The following RABGGTB variants were observed in gnomAD, a reference collection of about 807,000 sequenced individuals.
The protein encoded by RABGGTB is geranylgeranyl transferase type-2 subunit beta.
A neutral mutation model predicts 44.5 loss-of-function variants in RABGGTB; 20 were observed. The ratio of observed to expected loss-of-function variants is 0.45; its 90% CI spans 0.32 to 0.65. The LOEUF (loss-of-function observed/expected upper bound fraction) is 0.65, where lower values mean the gene tolerates loss of function less well. Ranked by LOEUF, RABGGTB falls within the 30% of genes least tolerant of loss-of-function variation. The probability of loss-of-function intolerance (pLI) is 0.05; values close to 1 mark genes in which losing one functional copy is unlikely to be tolerated. For synonymous variants in RABGGTB, 128 were observed against 136.7 expected (o/e 0.94, Z 0.44); for missense variants, 302 against 398.7 (o/e 0.76, Z 2.06).
intron 6 of RABGGTB, 63 bp from the exon 7 acceptor site, chr1:75,792,118 A>C (rs905211209): frequency 2.8e-6 from 4 of 1,403,598 alleles, no homozygotes; most frequent in South Asian, 2.5e-5. Context: ...TAATAATTTG[A>C]GTTTTATCAC....
rs982916097 is a variant in RABGGTB at position 75,794,850 on chromosome 1, A to G, written c.*200A>G. On this transcript the variant is annotated 3_prime_UTR_variant, in exon 9 of 9. Coordinates refer to ENST00000319942, the MANE Select transcript of RABGGTB (RefSeq NM_004582.4). ...CTGCTTTTTATTCTGAAGTCCTGTT[A>G]TTCTGACTACAGTTCTTTGTGTATA... is the stretch of plus-strand genomic sequence containing the variant. The G allele has an allele frequency of 1.1e-5, 3 of 263,770 alleles. No homozygotes were observed. Among genetic ancestry groups the G allele is most frequent in the African/African-American group, 6.8e-5 (3 of 44,400 alleles). The allele number at this position is 263,770 out of a possible 1,614,324, so 16.3% of individuals were successfully genotyped here. A position where few individuals can be genotyped will look rare whatever the true frequency, so the allele number is the denominator to read the frequency against.
rs1447825184 is a variant in RABGGTB at position 75,789,482 on chromosome 1, A to G, written c.309+126A>G. Reference sequence around the variant, plus strand: ...CAAGTGAAGCTGTCCTACAAGGTCAATGATGTAATGGCATGTATTAGCTGA... The same window carrying G: ...CAAGTGAAGCTGTCCTACAAGGTCAGTGATGTAATGGCATGTATTAGCTGA... On this transcript the variant is annotated intron_variant, in intron 3 of 8. Coordinates refer to ENST00000319942, the MANE Select transcript of RABGGTB (RefSeq NM_004582.4). 21 of 939,500 alleles carry G rather than the reference A, an allele frequency of 2.2e-5. 1 individual carries two copies. Among genetic ancestry groups the G allele is most frequent in the East Asian group, 2.1e-4 (9 of 41,862 alleles). 58.2% of individuals were successfully genotyped at this position (939,500 alleles called of 1,614,324 possible).
chr1:75,787,693 C>T (rs1020432695), intron 2 of RABGGTB, 89 bp downstream of exon 2: 2 of 1,005,258 alleles, frequency 2.0e-6, no homozygotes, highest in Non-Finnish European at 3.1e-6. Flanking sequence ...CTTAAAATGG[C>T]ATCCAACTCC....
rs1184634905 is a variant in RABGGTB, at chr1:75,794,154, A to C, written c.776A>C (p.Asp259Ala). 5 of 1,613,960 alleles carry C rather than the reference A, an allele frequency of 3.1e-6. 1 individual carries two copies. Residue 259 changes from aspartate to alanine, a missense_variant, in exon 8 of 9, where the codon GAT (aspartate) becomes GCT (alanine). Coordinates refer to ENST00000319942, the MANE Select transcript of RABGGTB (RefSeq NM_004582.4). Reference protein sequence around the residue: ...LKIIGRLHWIDREKLRNFILA... With the variant: ...LKIIGRLHWIAREKLRNFILA... ...ATAATTGGAAGACTTCATTGGATTG[A>C]TAGAGAGAAACTGCGTAATTTCATT...
intron 1 of RABGGTB, 137 bp from the exon 2 acceptor site, chr1:75,787,357 AGTT>A: frequency 1.5e-6 from 1 of 661,754 alleles, no homozygotes; most frequent in Non-Finnish European, 2.6e-6. Flanking sequence ...CTCCCTAGTT[AGTT>A]ACAATTTTTA....
chr1:75,790,546 C>T (rs534736967), intron 4 of RABGGTB: 12 of 921,340 alleles, frequency 1.3e-5, no homozygotes, highest in African/African-American at 1.8e-5. Flanking sequence ...TAGAAATGGA[C>T]TAATACTTTG....
At chr1:75,794,461 T>C in intron 8 of RABGGTB, 49 bp from the exon 9 acceptor site, 1 of 1,548,304 alleles carries the variant, frequency 6.5e-7, no homozygotes, top group Non-Finnish European at 8.8e-7. Context: ...AATTTGAAGT[T>C]AAAGAAGTTT....
At chr1:75,789,138 A>G (rs1257891965) in intron 2 of RABGGTB, 21 bp from the exon 3 acceptor site, 1 of 1,604,076 alleles carries the variant, frequency 6.2e-7, no homozygotes, top group South Asian at 1.1e-5. Flanking sequence ...GACAGATTTA[A>G]GAAATTGTGT....
At chr1:75,790,169 G>T in intron 4 of RABGGTB, 112 bp downstream of exon 4, 1 of 1,520,978 alleles carries the variant, frequency 6.6e-7, no homozygotes, top group Non-Finnish European at 8.7e-7. Flanking sequence ...TAAGCAGCTG[G>T]TCTAACTGGA....
At chr1:75,789,493 G>T (rs771461031) in intron 3 of RABGGTB, 137 bp downstream of exon 3, 7 of 889,312 alleles carry the variant, frequency 7.9e-6, no homozygotes, top group East Asian at 7.2e-5. Context: ...TGATGTAATG[G>T]CATGTATTAG....
At chr1:75,788,006 G>C in intron 2 of RABGGTB, 1 of 482,772 alleles carries the variant, frequency 2.1e-6, no homozygotes, top group South Asian at 1.5e-5. Context: ...TAAATTTCGA[G>C]GAAAACTCTG....
chr1:75,791,354 T>TGATTGAAA lies in RABGGTB; in HGVS notation c.468+18_468+25dup, dbSNP rs1384607231. 1 of 1,603,776 alleles carries TGATTGAAA rather than the reference T, an allele frequency of 6.2e-7. No homozygotes were observed. The highest frequency in any genetic ancestry group is 1.3e-5 in the African/African-American group (1 of 74,744). Reference sequence around the variant, plus strand: ...GCTTTGTTGGTAAGCTTTGAATATTTGATTGAAATGATTAAAGTTCATGAA... The same window carrying TGATTGAAA: ...GCTTTGTTGGTAAGCTTTGAATATTTGATTGAAAGATTGAAATGATTAAAGTTCATGAA... On this transcript the variant is annotated intron_variant, in intron 5 of 8. Transcript: ENST00000319942.
Position 75,792,187 on chromosome 1 carries a change from T to C in RABGGTB, c.586T>C (p.Cys196Arg). ...GSESHAGQIY[C>R]CTGFLAITSQ... ...TTTATGTCTGTAATTTTAGATCTAT[T>C]GTTGCACAGGATTTCTGGCAATTAC... Residue 196 changes from cysteine (C) to arginine (R), a missense_variant, in exon 7 of 9, where the codon TGT becomes CGT. Physicochemically the swap from Cys to Arg is radical, Grantham distance 180. Around this residue, in one of 2 missense-constraint regions of RABGGTB, gnomAD observed 213 missense variants for 323.7 expected, o/e 0.66. Coordinates refer to ENST00000319942, the MANE Select transcript of RABGGTB (RefSeq NM_004582.4). The C allele has an allele frequency of 6.2e-7, 1 of 1,605,590 alleles. No individual in the cohort carries two copies. The highest frequency in any genetic ancestry group is 8.5e-7 in the Non-Finnish European group (1 of 1,172,234).
rs555289114 is a variant in RABGGTB at position 75,792,493 on chromosome 1, T to C, written c.705+187T>C. Among the ~76,000 whole-genome samples, 3 of 152,324 alleles carry C rather than the reference T, an allele frequency of 2.0e-5. No individual in the cohort carries two copies. In the South Asian group the frequency reaches 6.2e-4, roughly 32 times the overall value. ...CAAAGTAGACCCCCATGAGTTGAAA[T>C]ACTCATTGATCCTAATGTCCATTTC... On this transcript the variant is annotated intron_variant, in intron 7 of 8. Coordinates refer to ENST00000319942, the MANE Select transcript of RABGGTB (RefSeq NM_004582.4).
chr1:75,786,761 A>G (rs1259005633), intron 1 of RABGGTB: 2 of 294,378 alleles, frequency 6.8e-6, no homozygotes, highest in African/African-American at 4.6e-5. Flanking sequence ...GCCGCATCAC[A>G]TGGGGACTTC....
intron 1 of RABGGTB, 199 bp from the exon 2 acceptor site, chr1:75,787,298 G>A (rs1181981714): frequency 1.6e-6 from 1 of 617,488 alleles, no homozygotes; most frequent in African/African-American, 1.8e-5. Flanking sequence ...CACAACCTCA[G>A]TTCACTGCAG....
In RABGGTB at chr1:75,789,954, T is replaced by G. The variant is rs1184946452; in HGVS notation, c.312T>G (p.Ile104Met). ...CCTAATACTTGTCTTTATTGCAGATTCTTACGCTGTATGACAGTATTAATG... is the reference window on the plus strand; with the variant it reads ...CCTAATACTTGTCTTTATTGCAGATGCTTACGCTGTATGACAGTATTAATG... ...HLLYTLSAVQ[I>M]LTLYDSINVI... Residue 104 changes from isoleucine to methionine, a missense_variant and splice_region_variant, in exon 4 of 9, where the codon ATT (isoleucine) becomes ATG (methionine). Ile to Met is a conservative substitution (Grantham distance 10). Coordinates refer to ENST00000319942, the MANE Select transcript of RABGGTB (RefSeq NM_004582.4). The G allele has an allele frequency of 6.2e-7, 1 of 1,600,140 alleles. No homozygotes were observed. Among genetic ancestry groups the G allele is most frequent in the African/African-American group, 1.3e-5 (1 of 74,536 alleles).
chr1:75,793,996 A>G, intron 7 of RABGGTB, 88 bp from the exon 8 acceptor site: 1 of 771,552 alleles, frequency 1.3e-6, no homozygotes, highest in Admixed American at 3.9e-5. Flanking sequence ...CAGATTACCT[A>G]AGAGTGAGAC....
In RABGGTB at chr1:75,787,616, T is replaced by G; in HGVS notation, c.111+12T>G. On this transcript the variant is annotated intron_variant, in intron 2 of 8. Coordinates refer to ENST00000319942, the MANE Select transcript of RABGGTB (RefSeq NM_004582.4). Reference sequence around the variant, plus strand: ...AGAAAGATGATTATGTATGTATAATTTTTTTATGTTGGAAAGTTTATTTTA... The same window carrying G: ...AGAAAGATGATTATGTATGTATAATGTTTTTATGTTGGAAAGTTTATTTTA... The G allele has an allele frequency of 6.3e-7, 1 of 1,587,672 alleles. No individual in the cohort carries two copies. Among genetic ancestry groups the G allele is most frequent in the Non-Finnish European group, 8.6e-7 (1 of 1,156,414 alleles).
Sources: gnomAD v4.1 joint callset for allele counts (sites outside exome capture counted in the v4.1 genomes callset) on GRCh38, gnomAD v4.1.1 for gene constraint, gnomAD v4.1.1 regional missense constraint, MANE v1.5 for transcripts, NCBI Gene and HGNC (gene_info 2026-07-23, HGNC 2026-07-21) for gene names.